The following PRKCA variants were observed in gnomAD, a reference collection of about 807,000 sequenced individuals.
PRKCA encodes protein kinase C alpha.
In PRKCA, 27 loss-of-function variants were observed where a neutral mutation model predicts 87.0. The ratio of observed to expected loss-of-function variants is 0.31; its 90% CI spans 0.23 to 0.43. The LOEUF (loss-of-function observed/expected upper bound fraction) is 0.43. Ranked by LOEUF, PRKCA falls within the 20% of genes least tolerant of loss-of-function variation. The pLI is 1.00. For missense variants in PRKCA, 518 were observed against 852.3 expected (o/e 0.61, Z 4.88); for synonymous variants, 329 against 311.1 (o/e 1.06, Z -0.61).
At chr17:66,642,446 A>T (rs1254992147) in intron 4 of PRKCA, among the ~76,000 whole-genome samples, 2 of 152,084 alleles carry the variant, frequency 1.3e-5, no homozygotes, top group Non-Finnish European at 2.9e-5. Flanking sequence ...ATCGTTCTTA[A>T]AGTATGAGAT....
intron 3 of PRKCA, among the ~76,000 whole-genome samples, chr17:66,563,957 TC>T (rs1968795483): frequency 1.9e-5 from 1 of 53,858 alleles, no homozygotes. Flanking sequence ...CTTCTTTCCT[TC>T]CTTCCTTCCT....
intron 3 of PRKCA, among the ~76,000 whole-genome samples, chr17:66,515,399 A>G (rs987528491): frequency 2.0e-5 from 3 of 152,068 alleles, no homozygotes; most frequent in Non-Finnish European, 2.9e-5. Context: ...CAATGCTCCT[A>G]TTGCTGTGAC....
At position 66,689,120 on chromosome 17, in the gene PRKCA, G is replaced by A; in HGVS notation, c.918+73G>A. 2 of 966,834 alleles carry A rather than the reference G, an allele frequency of 2.1e-6. No individual in the cohort carries two copies. Among genetic ancestry groups the A allele is most frequent in the Non-Finnish European group, 3.1e-6 (2 of 651,282 alleles). 59.9% of individuals were successfully genotyped at this position (966,834 alleles called of 1,614,324 possible). A position where few individuals can be genotyped will look rare whatever the true frequency, so the allele number is the denominator to read the frequency against. ...ACTTCAGGAACGGCCGAGATGTTGT[G>A]GTCACATTTTTGAAAAGCAAAAAAA... On this transcript the variant is annotated intron_variant, in intron 8 of 16. Transcript: ENST00000413366. The surrounding 1 kb of genome is among the most constrained non-coding windows in gnomAD (Gnocchi z 4.1).
intron 14 of PRKCA, chr17:66,775,773 A>G (rs1443657189): frequency 2.0e-6 from 2 of 984,076 alleles, no homozygotes; most frequent in African/African-American, 1.7e-5. Flanking sequence ...TATTCACTGA[A>G]TGCTTACAAT....
chr17:66,706,684 AAAG>A (rs1416119669), intron 8 of PRKCA, among the ~76,000 whole-genome samples: 6 of 152,178 alleles, frequency 3.9e-5, no homozygotes, highest in African/African-American at 1.4e-4. Context: ...TGGTTGAAAA[AAAG>A]AAGGATATTT....
At chr17:66,724,618 C>T (rs1261704469) in intron 8 of PRKCA, among the ~76,000 whole-genome samples, 2 of 152,190 alleles carry the variant, frequency 1.3e-5, no homozygotes, top group Admixed American at 1.3e-4. Flanking sequence ...TGCATTTCAT[C>T]CTCTGCATTC....
intron 13 of PRKCA, among the ~76,000 whole-genome samples, chr17:66,768,266 G>GC (rs1974855367): frequency 6.6e-6 from 1 of 151,022 alleles, no homozygotes; most frequent in Non-Finnish European, 1.5e-5. Context: ...TTTTTTGGGG[G>GC]GGAGAGATTA....
chr17:66,694,234 A>G (rs1462906113), intron 8 of PRKCA, among the ~76,000 whole-genome samples: 2 of 152,138 alleles, frequency 1.3e-5, no homozygotes, highest in East Asian at 1.9e-4. Flanking sequence ...CTGTAATCCT[A>G]GCACTTTGGG....
At chr17:66,462,642 CT>C (rs1232719544) in intron 2 of PRKCA, among the ~76,000 whole-genome samples, 1 of 152,084 alleles carries the variant, frequency 6.6e-6, no homozygotes, top group Non-Finnish European at 1.5e-5. Context: ...TTTTAGGATA[CT>C]TTTTTGTAAG....
intron 1 of PRKCA, among the ~76,000 whole-genome samples, chr17:66,304,597 A>G (rs1188019349): frequency 1.3e-5 from 2 of 152,186 alleles, no homozygotes; most frequent in Admixed American, 1.3e-4. Flanking sequence ...TGAGCATAGT[A>G]TGGATGGCTC....
intron 3 of PRKCA, among the ~76,000 whole-genome samples, chr17:66,514,592 G>T (rs956322384): frequency 2.6e-5 from 4 of 152,138 alleles, no homozygotes. Context: ...TTTCTGTGCG[G>T]GACCCGGCCT....
chr17:66,734,811 G>A (rs929740095), intron 9 of PRKCA, among the ~76,000 whole-genome samples: 1 of 152,110 alleles, frequency 6.6e-6, no homozygotes, highest in Non-Finnish European at 1.5e-5. Flanking sequence ...CATTTATTTG[G>A]TCTCTCAGAT....
intron 2 of PRKCA, among the ~76,000 whole-genome samples, chr17:66,490,778 G>A (rs1916212128): frequency 1.3e-5 from 2 of 152,184 alleles, no homozygotes; most frequent in South Asian, 4.1e-4. Context: ...ACGTGGTTTT[G>A]CCATATTGGC....
intron 2 of PRKCA, among the ~76,000 whole-genome samples, chr17:66,466,342 T>A (rs1915088183): frequency 6.6e-6 from 1 of 152,160 alleles, no homozygotes; most frequent in African/African-American, 2.4e-5. Context: ...GTGTCCCAGC[T>A]GGAAGAGTTT....
At chr17:66,520,418 G>C (rs1338982658) in intron 3 of PRKCA, among the ~76,000 whole-genome samples, 1 of 151,848 alleles carries the variant, frequency 6.6e-6, no homozygotes, top group Non-Finnish European at 1.5e-5. Flanking sequence ...ACCATGCCCA[G>C]CCCACCGTGC....
intron 8 of PRKCA, among the ~76,000 whole-genome samples, chr17:66,710,873 A>C (rs538198065): frequency 8.3e-4 from 123 of 148,418 alleles, no homozygotes; most frequent in South Asian, 1.6e-3. Context: ...CTACCAAAAA[A>C]CAAAAAAAAA....
At chr17:66,677,395 G>A (rs1972366795) in intron 5 of PRKCA, 2 of 152,216 alleles carry the variant, frequency 1.3e-5, no homozygotes, top group East Asian at 3.8e-4. Flanking sequence ...TTTAAATAAA[G>A]TTTTATTGGA....
chr17:66,424,564 C>G (rs1223228168), intron 2 of PRKCA, among the ~76,000 whole-genome samples: 1 of 124,686 alleles, frequency 8.0e-6, no homozygotes, highest in Non-Finnish European at 1.7e-5. Context: ...ACGACCCTGT[C>G]TCAAACACAC....
rs187914755 is a variant in PRKCA at position 66,618,249 on chromosome 17, G to A, written c.289-23106G>A. On this transcript the variant is annotated intron_variant, in intron 3 of 16. Transcript: ENST00000413366. Reference sequence around the variant, plus strand: ...GGGCGCCTGTAATTCCAGCTGCTGGGGAGGCTGAGGTGGGAGAATTGCTTG... The same window carrying A: ...GGGCGCCTGTAATTCCAGCTGCTGGAGAGGCTGAGGTGGGAGAATTGCTTG... 7.6e-4 allele frequency among the ~76,000 whole-genome samples: 115 copies of A among 152,082 alleles called. 1 individual carries two copies. In the Middle Eastern group the frequency reaches 0.02, roughly 27 times the overall value.
Sources: gnomAD v4.1 joint callset for allele counts (sites outside exome capture counted in the v4.1 genomes callset) on GRCh38, gnomAD v4.1.1 for gene constraint, Gnocchi (gnomAD v3.1) non-coding constraint, MANE v1.5 for transcripts, NCBI Gene and HGNC (gene_info 2026-07-23, HGNC 2026-07-21) for gene names.